The following FGD1 variants were observed in gnomAD, a reference collection of about 807,000 sequenced individuals.
FGD1 encodes FYVE, RhoGEF and PH domain-containing protein 1.
A neutral mutation model predicts 65.0 loss-of-function variants in FGD1; 12 were observed. The ratio of observed to expected loss-of-function variants is 0.18; its 90% CI spans 0.12 to 0.30. The LOEUF (loss-of-function observed/expected upper bound fraction) is 0.30. Among genes scored for constraint, FGD1 ranks in the 10% least tolerant of loss-of-function variants. The pLI, the probability that FGD1 is intolerant of heterozygous loss-of-function variation, is 1.00. For synonymous variants in FGD1, 333 were observed against 343.9 expected, an observed-to-expected ratio of 0.97 and a Z score of 0.35; for missense variants, 542 against 837.6, an observed-to-expected ratio of 0.65 and a Z score of 4.36.
chrX:54,455,912 C>A, intron 10 of FGD1, 128 bp from the exon 11 acceptor site: 1 of 594,160 alleles, frequency 1.7e-6, no homozygotes, highest in Non-Finnish European at 2.7e-6. Context: ...CCAAATTGGG[C>A]ACAGGGGTCA....
chrX:54,474,815 C>T (rs1922982366), intron 1 of FGD1, among the ~76,000 whole-genome samples: 1 of 112,340 alleles, frequency 8.9e-6, no homozygotes, highest in African/African-American at 3.2e-5. Context: ...AAGCCAGGCA[C>T]CCTGCCATGC....
intron 1 of FGD1, among the ~76,000 whole-genome samples, chrX:54,484,569 A>T (rs1012061811): frequency 3.6e-5 from 4 of 112,042 alleles, no homozygotes; most frequent in African/African-American, 1.3e-4. Flanking sequence ...GGAAACTAAG[A>T]CCCTGAGAGG....
chrX:54,454,318 C>A (rs772703932), intron 12 of FGD1, among the ~76,000 whole-genome samples: 5 of 110,720 alleles, frequency 4.5e-5, no homozygotes, highest in Non-Finnish European at 9.4e-5. Context: ...TTGTAGCACA[C>A]TAATTATTTG....
chrX:54,486,216 A>C lies in FGD1; in HGVS notation c.307+8910T>G, dbSNP rs763027769. On this transcript the variant is annotated intron_variant, in intron 1 of 17. Coordinates refer to ENST00000375135, the MANE Select transcript of FGD1 (RefSeq NM_004463.3). ...ATTCTCCTGCCTCAGCCTCCTGAGT[A>C]GCTGGGATTATGGGCATGTGCCACC... is the stretch of plus-strand genomic sequence containing the variant. Among the ~76,000 whole-genome samples the C allele has an allele frequency of 4.5e-5, 5 of 110,311 alleles. No individual in the cohort carries two copies. The South Asian group carries it at 1.9e-3, about 43-fold the overall frequency.
Position 54,471,383 on chromosome X carries a change from C to T in FGD1, c.412G>A (p.Gly138Ser), listed in dbSNP as rs375401522. The T allele has an allele frequency of 3.3e-6, 4 of 1,210,010 alleles. No homozygotes were observed. The African/African-American group carries it at 7.0e-5, about 21-fold the overall frequency. The change falls in exon 2 of 18, where the codon GGT (glycine) becomes AGT (serine). Residue 138 changes from glycine (G) to serine (S), a missense_variant. Physicochemically the swap from Gly to Ser is moderately conservative, Grantham distance 56 (BLOSUM62 0). This residue lies in a region of FGD1 where 297 missense variants were observed against 326.8 expected (regional missense o/e 0.91). Coordinates refer to ENST00000375135, the MANE Select transcript of FGD1 (RefSeq NM_004463.3). ...TGGCTAGGGGTTTCAGTCGGGGGAC[C>T]TGGGTCTGAGCGAAGCCGCTGGGGA... Reference protein sequence around the residue: ...EGPQRLRSDPGPPTETPSQRP... With the variant: ...EGPQRLRSDPSPPTETPSQRP...
chrX:54,465,932 G>A (rs1922749214), intron 6 of FGD1, 80 bp from the exon 7 acceptor site: 1 of 1,069,984 alleles, frequency 9.3e-7, no homozygotes, highest in East Asian at 3.1e-5. Context: ...CCAGCCCCAG[G>A]CAGATACCTT....
rs780930190 is a variant in FGD1, at chrX:54,468,740, G to A, written c.1191+47C>T. ...GGCCCTATCACTGCCTCCTTGAAAC[G>A]CACCTACAAGGTCCTGGGGCCCTCG... On this transcript the variant is annotated intron_variant, in intron 5 of 17. Coordinates refer to ENST00000375135, the MANE Select transcript of FGD1 (RefSeq NM_004463.3). 1.3e-5 allele frequency: 12 copies of A among 926,769 alleles called. No individual in the cohort carries two copies. The African/African-American group carries it at 2.1e-4, about 17-fold the overall frequency. The allele number at this position is 926,769 out of a possible 1,213,427, so 76.4% of individuals were successfully genotyped here. A position where few individuals can be genotyped will look rare whatever the true frequency, so the allele number is the denominator to read the frequency against.
At chrX:54,460,109 A>G (rs1922593053) in intron 8 of FGD1, among the ~76,000 whole-genome samples, 1 of 105,464 alleles carries the variant, frequency 9.5e-6, no homozygotes, top group East Asian at 2.9e-4. Flanking sequence ...TACTAAAAAA[A>G]AAATACAAAA....
intron 8 of FGD1, among the ~76,000 whole-genome samples, chrX:54,462,389 C>CTTTTTT (rs1158349272): frequency 3.8e-5 from 3 of 79,561 alleles, no homozygotes; most frequent in African/African-American, 9.6e-5. Flanking sequence ...ACTTCCCATT[C>CTTTTTT]TTTTTTTTTT....
chrX:54,490,415 T>C (rs969702916), intron 1 of FGD1, among the ~76,000 whole-genome samples: 1 of 111,635 alleles, frequency 9.0e-6, no homozygotes, highest in African/African-American at 3.3e-5. Context: ...TCAAAAAAAA[T>C]AAAATGTTCA....
intron 1 of FGD1, among the ~76,000 whole-genome samples, chrX:54,480,512 T>C (rs1026984420): frequency 9.0e-6 from 1 of 111,353 alleles, no homozygotes; most frequent in African/African-American, 3.3e-5. Context: ...TGGTGGGGAC[T>C]GGGTTAAACT....
intron 1 of FGD1, among the ~76,000 whole-genome samples, chrX:54,489,657 C>T (rs765721444): frequency 6.3e-5 from 7 of 111,768 alleles, no homozygotes; most frequent in East Asian, 2.8e-4. Flanking sequence ...TCACACCAGT[C>T]GGAATGGCTA....
chrX:54,479,233 C>G (rs1163227094), intron 1 of FGD1, among the ~76,000 whole-genome samples: 4 of 112,076 alleles, frequency 3.6e-5, no homozygotes, highest in African/African-American at 1.3e-4. Context: ...TTGCCCATTC[C>G]CACTGGAACT....
Position 54,470,722 on chromosome X carries a change from G to GGGGC in FGD1, c.519_520insGCCC (p.Pro174AlafsTer44). 3.7e-6 allele frequency: 2 copies of GGGGC among 538,258 alleles called. No individual in the cohort carries two copies. Among genetic ancestry groups the GGGGC allele is most frequent in the Admixed American group, 3.7e-5 (1 of 27,270 alleles). 44.4% of individuals were successfully genotyped at this position (538,258 alleles called of 1,213,427 possible). The stretch of plus-strand genomic sequence containing the variant: ...GGGGGGATGGGCTCCAGTGGGGGGG[G>GGGGC]CATCCGGGGCATCTGCAGGTAGCTG... On this transcript the variant is annotated frameshift_variant, in exon 3 of 18. Transcript: ENST00000375135. LOFTEE classifies it high-confidence loss of function.
intron 1 of FGD1, among the ~76,000 whole-genome samples, chrX:54,488,745 G>A (rs906930122): frequency 9.0e-6 from 1 of 111,143 alleles, no homozygotes; most frequent in African/African-American, 3.3e-5. Flanking sequence ...AAATAAGGCC[G>A]CACACCTACA....
chrX:54,496,081 G>C lies in FGD1; in HGVS notation c.-649C>G, dbSNP rs996316460. The C allele has an allele frequency of 9.0e-6, 1 of 111,666 alleles. No individual in the cohort carries two copies. Among genetic ancestry groups the C allele is most frequent in the African/African-American group, 3.3e-5 (1 of 30,752 alleles). 9.2% of individuals were successfully genotyped at this position (111,666 alleles called of 1,213,427 possible). On this transcript the variant is annotated 5_prime_UTR_variant, in exon 1 of 18. Transcript: ENST00000375135. ...GTCCCAGACGATGCTCCAGCCGCGG[G>C]GGCAGGAGAACGGCCTGGGCCGGGC...
chrX:54,457,786 A>G (rs1922537345), intron 8 of FGD1, among the ~76,000 whole-genome samples: 1 of 108,876 alleles, frequency 9.2e-6, no homozygotes. Flanking sequence ...TGTAATTTCC[A>G]TATTTCCTAT....
chrX:54,494,077 G>A (rs1467430574), intron 1 of FGD1, among the ~76,000 whole-genome samples: 1 of 112,834 alleles, frequency 8.9e-6, no homozygotes, highest in African/African-American at 3.2e-5. Context: ...ACTCAGGTCT[G>A]TGTAGCACAA....
At chrX:54,447,191 TAGAG>T in intron 17 of FGD1, 116 bp downstream of exon 17, 4 of 805,860 alleles carry the variant, frequency 5.0e-6, no homozygotes, top group Non-Finnish European at 7.4e-6. Context: ...GATTTCCTCT[TAGAG>T]ATAGGCTCAC....
Sources: allele counts gnomAD v4.1 joint callset (sites outside exome capture counted in the v4.1 genomes callset), GRCh38; gene constraint gnomAD v4.1.1; regional missense constraint gnomAD v4.1.1; transcripts MANE v1.5; gene names NCBI Gene and HGNC (gene_info 2026-07-23, HGNC 2026-07-21).